Variants in HDAC9 observed in about 807,000 individuals in gnomAD.
HDAC9 encodes the protein MEF-2 interacting transcription repressor (MITR) protein.
In HDAC9, 41 loss-of-function variants were observed where a neutral mutation model predicts 139.4. The observed-to-expected ratio is 0.29, with a 90% CI of 0.23 to 0.38. HDAC9 has a LOEUF of 0.38. HDAC9 is among the 10% of genes least tolerant of loss of function. The probability of loss-of-function intolerance (pLI) is 1.00; values close to 1 mark genes in which losing one functional copy is unlikely to be tolerated. For synonymous variants in HDAC9, 517 were observed against 476.2 expected (o/e 1.09, Z -1.12); for missense variants, 1,147 against 1,297.0 (o/e 0.88, Z 1.78).
At chr7:18,527,297 T>A (rs1351410033) in intron 2 of HDAC9, among the ~76,000 whole-genome samples, 2 of 152,166 alleles carry the variant, frequency 1.3e-5, no homozygotes, top group African/African-American at 4.8e-5. Context: ...TTGGATAATT[T>A]TATTTAAAGG....
chr7:18,835,078 A>C (rs1796136358), intron 19 of HDAC9, among the ~76,000 whole-genome samples: 1 of 152,178 alleles, frequency 6.6e-6, no homozygotes, highest in Non-Finnish European at 1.5e-5. Flanking sequence ...ATAAGTCATA[A>C]AATTCCTCCA....
intron 17 of HDAC9, among the ~76,000 whole-genome samples, chr7:18,802,073 G>T (rs1329659582): frequency 1.3e-5 from 2 of 151,314 alleles, no homozygotes; most frequent in Non-Finnish European, 1.5e-5. Context: ...TATTTTATTT[G>T]GGGGGAGGTC....
At chr7:18,973,062 G>A (rs937522891) in intron 24 of HDAC9, among the ~76,000 whole-genome samples, 1 of 152,208 alleles carries the variant, frequency 6.6e-6, no homozygotes, top group African/African-American at 2.4e-5. Context: ...TTTAAAATTA[G>A]TGCTGAGTAA....
intron 12 of HDAC9, among the ~76,000 whole-genome samples, chr7:18,718,295 G>A (rs904374511): frequency 1.6e-4 from 24 of 152,068 alleles, no homozygotes; most frequent in African/African-American, 4.1e-4. Context: ...GCAATGGCGC[G>A]ATGTTGGCTC....
At chr7:18,814,071 T>A (rs1033484035) in intron 17 of HDAC9, among the ~76,000 whole-genome samples, 2 of 152,206 alleles carry the variant, frequency 1.3e-5, no homozygotes, top group Non-Finnish European at 2.9e-5. Flanking sequence ...GGGATTTCAT[T>A]ACTTATATAT....
intron 1 of HDAC9, among the ~76,000 whole-genome samples, chr7:18,143,359 T>A (rs1361408971): frequency 6.6e-6 from 1 of 152,190 alleles, no homozygotes; most frequent in African/African-American, 2.4e-5. Flanking sequence ...CGTATGATGC[T>A]TTTGGTCAGT....
At chr7:18,239,696 G>A (rs1794060699) in intron 2 of HDAC9, among the ~76,000 whole-genome samples, 1 of 152,190 alleles carries the variant, frequency 6.6e-6, no homozygotes, top group East Asian at 1.9e-4. Context: ...GCAGAGACCT[G>A]GCAGAGTCTT....
intron 2 of HDAC9, among the ~76,000 whole-genome samples, chr7:18,544,706 T>C (rs1324346846): frequency 1.3e-5 from 2 of 152,162 alleles, no homozygotes; most frequent in Non-Finnish European, 2.9e-5. Flanking sequence ...ATGTGGACTA[T>C]TAGAAACTAA....
At chr7:18,760,022 A>G (rs1370873074) in intron 14 of HDAC9, among the ~76,000 whole-genome samples, 1 of 152,230 alleles carries the variant, frequency 6.6e-6, no homozygotes, top group Non-Finnish European at 1.5e-5. Context: ...TAGTCATCAA[A>G]ACATGGGTCT....
At position 18,835,481 on chromosome 7, in the gene HDAC9, A is replaced by G. The variant is rs370099772; in HGVS notation, c.2481A>G (p.Gly827=). The part of the protein sequence containing the change: ...ILIVDLDVHH[G]NGTQQAFYAD... ...TTTCCCTGTAGGATGTTCACCATGG[A>G]AACGGTACCCAGCAGGCCTTTTATG... The change falls in exon 20 of 26, where the codon GGA becomes GGG. Residue 827 remains glycine (G), a synonymous_variant. Transcript: ENST00000686413. The G allele has an allele frequency of 6.2e-7, 1 of 1,613,380 alleles. No individual in the cohort carries two copies. Among genetic ancestry groups the G allele is most frequent in the Non-Finnish European group, 8.5e-7 (1 of 1,179,500 alleles).
At chr7:18,600,905 T>A (rs775390736) in intron 6 of HDAC9, among the ~76,000 whole-genome samples, 10 of 152,124 alleles carry the variant, frequency 6.6e-5, no homozygotes, top group Non-Finnish European at 1.5e-4. Context: ...TGGGCTCAAG[T>A]GATCTTCCCG....
intron 1 of HDAC9, among the ~76,000 whole-genome samples, chr7:18,141,673 G>A (rs576272779): frequency 5.3e-5 from 8 of 152,184 alleles, no homozygotes; most frequent in East Asian, 1.9e-4. Flanking sequence ...GCGGGGACAC[G>A]GGTGGGATTG....
At chr7:18,257,647 C>G (rs1795367253) in intron 2 of HDAC9, among the ~76,000 whole-genome samples, 1 of 152,132 alleles carries the variant, frequency 6.6e-6, no homozygotes, top group Admixed American at 6.5e-5. Context: ...AGAAAGAGCA[C>G]AACCCTTCCT....
In HDAC9 at chr7:18,998,893, G is replaced by T. The variant is rs1041739951; in HGVS notation, c.*2831G>T. The T allele has an allele frequency of 2.6e-5, 4 of 152,120 alleles. No homozygotes were observed. The highest frequency in any genetic ancestry group is 2.0e-4 in the Admixed American group (3 of 15,270). The allele number at this position is 152,120 out of a possible 1,614,324, so 9.4% of individuals were successfully genotyped here. On this transcript the variant is annotated 3_prime_UTR_variant, in exon 26 of 26. Transcript: ENST00000686413. ...AAGCTGTCAAACGTAGGTATAAAAA[G>T]AAGGCTTAAAAATTAATTTTCCCAA... is the stretch of plus-strand genomic sequence containing the variant.
intron 13 of HDAC9, among the ~76,000 whole-genome samples, chr7:18,730,498 A>T (rs1237383116): frequency 6.6e-6 from 1 of 152,210 alleles, no homozygotes; most frequent in East Asian, 1.9e-4. Context: ...GTTCTTTAGG[A>T]ATACAGTAGA....
chr7:18,304,076 A>G (rs1311285402), intron 1 of HDAC9, among the ~76,000 whole-genome samples: 4 of 152,248 alleles, frequency 2.6e-5, no homozygotes, highest in Non-Finnish European at 2.9e-5. Context: ...GGCTCTGCCC[A>G]GCATTAGCAA....
intron 8 of HDAC9, among the ~76,000 whole-genome samples, chr7:18,641,281 A>G (rs1336048788): frequency 6.6e-6 from 1 of 152,092 alleles, no homozygotes; most frequent in Non-Finnish European, 1.5e-5. Flanking sequence ...TAAGATTTTG[A>G]AGAGCCTTAG....
chr7:18,857,353 GTGTGTGTGTGTA>G (rs1359624050), intron 21 of HDAC9, among the ~76,000 whole-genome samples: 26 of 151,832 alleles, frequency 1.7e-4, no homozygotes, highest in Admixed American at 1.3e-3. Context: ...GTGTGTGTGT[GTGTGTGTGTGTA>G]TGTATGTATG....
chr7:18,332,412 AT>A (rs66488350), intron 1 of HDAC9, among the ~76,000 whole-genome samples: 28,537 of 149,886 alleles, frequency 0.19, 2,815 homozygotes, highest in Non-Finnish European at 0.21. Flanking sequence ...AGAGAGAGAG[AT>A]TTTTACTTTA....
Sources: allele counts gnomAD v4.1 joint callset (sites outside exome capture counted in the v4.1 genomes callset), GRCh38; gene constraint gnomAD v4.1.1; transcripts MANE v1.5; gene names NCBI Gene and HGNC (gene_info 2026-07-23, HGNC 2026-07-21).